Variants in NET1 observed in about 807,000 individuals in gnomAD.
The protein encoded by NET1 is neuroepithelial cell transforming 1.
In NET1, 42 loss-of-function variants were observed where a neutral mutation model predicts 61.1. The ratio of observed to expected loss-of-function variants is 0.69; its 90% confidence interval spans 0.54 to 0.89. The LOEUF is 0.89. Ranked by LOEUF, NET1 falls within the 40% of genes least tolerant of loss-of-function variation. The probability of loss-of-function intolerance (pLI) is 0.00; values close to 1 mark genes in which losing one functional copy is unlikely to be tolerated. For synonymous variants in NET1, 254 were observed against 281.8 expected, an observed-to-expected ratio of 0.90 and a Z score of 0.99; for missense variants, 654 against 747.3, an observed-to-expected ratio of 0.88 and a Z score of 1.46.
intron 1 of NET1, among the ~76,000 whole-genome samples, chr10:5,425,020 CAGTA>C (rs1351061885): frequency 3.2e-4 from 49 of 152,210 alleles, no homozygotes; most frequent in Admixed American, 1.2e-3. Context: ...TCTCTGAGTG[CAGTA>C]AGTGAGGCCT....
Position 5,446,814 on chromosome 10 carries a change from A to T in NET1, c.256-5016A>T. 1 of 1,612,284 alleles carries T rather than the reference A, an allele frequency of 6.2e-7. No individual in the cohort carries two copies. Among genetic ancestry groups the T allele is most frequent in the Non-Finnish European group, 8.5e-7 (1 of 1,178,920 alleles). ...AGGTCTCCTACCTATTAAAAGGACCATACGAGTCCTAGATGTCAATAACCA... is the reference window on the plus strand; with the variant it reads ...AGGTCTCCTACCTATTAAAAGGACCTTACGAGTCCTAGATGTCAATAACCA... On this transcript the variant is annotated intron_variant, in intron 3 of 11. Coordinates refer to ENST00000355029, the MANE Select transcript of NET1 (RefSeq NM_001047160.3). This position sits in a 1 kb window ranked among gnomAD's most constrained non-coding sequence, Gnocchi z 5.0.
In NET1 at chr10:5,441,847, G is replaced by A. The variant is rs1455355615; in HGVS notation, c.256-9983G>A. Reference sequence around the variant, plus strand: ...TTATTACTAGATATTTTGGAACTATGGTTTTTCAAAAGTTCCACTTTTCAA... The same window carrying A: ...TTATTACTAGATATTTTGGAACTATAGTTTTTCAAAAGTTCCACTTTTCAA... On this transcript the variant is annotated intron_variant, in intron 3 of 11. Transcript: ENST00000355029. The surrounding 1 kb of genome is among the most constrained non-coding windows in gnomAD (Gnocchi z 4.6). 6.6e-6 allele frequency among the ~76,000 whole-genome samples: 1 copy of A among 151,900 alleles called. No individual in the cohort carries two copies. Among genetic ancestry groups the A allele is most frequent in the Non-Finnish European group, 1.5e-5 (1 of 67,976 alleles).
In NET1 at chr10:5,446,662, G is replaced by C; in HGVS notation, c.256-5168G>C. Reference sequence around the variant, plus strand: ...GCATGGGCACGTGGCTGCCGAGGGTGGCCGAGCTCTGGGAAGAAAAGCCCG... The same window carrying C: ...GCATGGGCACGTGGCTGCCGAGGGTCGCCGAGCTCTGGGAAGAAAAGCCCG... On this transcript the variant is annotated intron_variant, in intron 3 of 11. Coordinates refer to ENST00000355029, the MANE Select transcript of NET1 (RefSeq NM_001047160.3). This position sits in a 1 kb window ranked among gnomAD's most constrained non-coding sequence, Gnocchi z 5.0. 1 of 1,327,780 alleles carries C rather than the reference G, an allele frequency of 7.5e-7. No homozygotes were observed. Among genetic ancestry groups the C allele is most frequent in the Non-Finnish European group, 9.7e-7 (1 of 1,031,258 alleles). The allele number at this position is 1,327,780 out of a possible 1,614,324, so 82.2% of individuals were successfully genotyped here. A position where few individuals can be genotyped will look rare whatever the true frequency, so the allele number is the denominator to read the frequency against.
intron 2 of NET1, among the ~76,000 whole-genome samples, chr10:5,428,038 C>CTTTTTTTTT (rs57698527): frequency 1.8e-5 from 2 of 113,904 alleles, no homozygotes; most frequent in African/African-American, 6.8e-5. Flanking sequence ...TTTGCCGTTC[C>CTTTTTTTTT]TTTTTTTTTT....
rs201941550 is a variant in NET1 at position 5,454,441 on chromosome 10, A to T, written c.945A>T (p.Leu315=). Residue 315 remains leucine (L), a synonymous_variant, in exon 9 of 12, where the codon CTA becomes CTT. Coordinates refer to ENST00000355029, the MANE Select transcript of NET1 (RefSeq NM_001047160.3). The surrounding 1 kb of genome is among the most constrained non-coding windows in gnomAD (Gnocchi z 8.1). ...TCCTAGATATCCCTCGAAGTCGCCT[A>T]GTCAAATACCCTTTACTGTTAAAAG... ...WSFLDIPRSR[L]VKYPLLLKEI... is the part of the protein sequence containing the mutation. The T allele has an allele frequency of 4.3e-6, 7 of 1,614,068 alleles. No homozygotes were observed. The highest frequency in any genetic ancestry group is 5.9e-6 in the Non-Finnish European group (7 of 1,180,030).
Position 5,446,586 on chromosome 10 carries a change from G to T in NET1, c.256-5244G>T. 8.4e-7 allele frequency: 1 copy of T among 1,191,612 alleles called. No homozygotes were observed. Among genetic ancestry groups the T allele is most frequent in the Non-Finnish European group, 1.0e-6 (1 of 961,294 alleles). 73.8% of individuals were successfully genotyped at this position (1,191,612 alleles called of 1,614,324 possible). A position where few individuals can be genotyped will look rare whatever the true frequency, so the allele number is the denominator to read the frequency against. On this transcript the variant is annotated intron_variant, in intron 3 of 11. Transcript: ENST00000355029. The surrounding 1 kb of genome is among the most constrained non-coding windows in gnomAD (Gnocchi z 5.0). ...GGCCCCGCCCCCGAGCCCTGGGGTC[G>T]GTGCTTGCTGCCTGCGGCTCTCAGA...
At position 5,456,751 on chromosome 10, in the gene NET1, G is replaced by A. The variant is rs200943399; in HGVS notation, c.1548G>A (p.Pro516=). 5.8e-5 allele frequency: 93 copies of A among 1,613,986 alleles called. No homozygotes were observed. In the Middle Eastern group the frequency reaches 1.2e-3, roughly 20 times the overall value. The change falls in exon 12 of 12, where the codon CCG becomes CCA. Residue 516 remains proline (P), a synonymous_variant. Coordinates refer to ENST00000355029, the MANE Select transcript of NET1 (RefSeq NM_001047160.3). This position sits in a 1 kb window ranked among gnomAD's most constrained non-coding sequence, Gnocchi z 7.0. ...AGSPPELQGL[P]ELHEECEGNH... Reference sequence around the variant, plus strand: ...GTCCACCTGAGCTGCAGGGCCTGCCGGAGCTGCACGAAGAGTGTGAGGGGA... The same window carrying A: ...GTCCACCTGAGCTGCAGGGCCTGCCAGAGCTGCACGAAGAGTGTGAGGGGA...
chr10:5,453,389 G>A lies in NET1; in HGVS notation c.691+43G>A, dbSNP rs41289269. ...ATTGTCATTAAATCTAAAGAGCAGC[G>A]GTGCATGTAATTTTCAGTCTAAACT... is the stretch of plus-strand genomic sequence containing the variant. On this transcript the variant is annotated intron_variant, in intron 7 of 11. Coordinates refer to ENST00000355029, the MANE Select transcript of NET1 (RefSeq NM_001047160.3). The surrounding 1 kb of genome is among the most constrained non-coding windows in gnomAD (Gnocchi z 4.9). The A allele has an allele frequency of 0.021, 33,594 of 1,567,602 alleles. 425 individuals are homozygous for A. Among genetic ancestry groups the A allele is most frequent in the Non-Finnish European group, 0.026 (29,837 of 1,137,660 alleles).
In NET1 at chr10:5,456,295, AT is replaced by A; in HGVS notation, c.1384+25del. 1 of 1,554,184 alleles carries A rather than the reference AT, an allele frequency of 6.4e-7. No individual in the cohort carries two copies. ...AAAGGTAAAATGCAGGCCTTCAATA[AT>A]TTAAAGAAATAGAAGCTCAGAACTG... On this transcript the variant is annotated intron_variant, in intron 11 of 11. Transcript: ENST00000355029. The surrounding 1 kb of genome is among the most constrained non-coding windows in gnomAD (Gnocchi z 7.0).
In NET1 at chr10:5,452,421, A is replaced by T; in HGVS notation, c.427A>T (p.Thr143Ser). 1 of 1,614,110 alleles carries T rather than the reference A, an allele frequency of 6.2e-7. No homozygotes were observed. The highest frequency in any genetic ancestry group is 8.5e-7 in the Non-Finnish European group (1 of 1,179,988). ...TGCCCAGAAGTTTTCTAGCAGGTCA[A>T]CAGTCCCAACACCCGCCAAGAGAAG... ...ASAQKFSSRS[T>S]VPTPAKRRSS... Residue 143 changes from threonine to serine, a missense_variant, in exon 5 of 12, where the codon ACA becomes TCA. Transcript: ENST00000355029. This position sits in a 1 kb window ranked among gnomAD's most constrained non-coding sequence, Gnocchi z 4.0.
Position 5,443,053 on chromosome 10 carries a change from C to T in NET1, c.256-8777C>T, listed in dbSNP as rs1200336230. 6.6e-6 allele frequency among the ~76,000 whole-genome samples: 1 copy of T among 152,202 alleles called. No individual in the cohort carries two copies. Among genetic ancestry groups the T allele is most frequent in the Non-Finnish European group, 1.5e-5 (1 of 68,028 alleles). The stretch of plus-strand genomic sequence containing the variant: ...AAAAGTATTGGCAATTTAGTGAATA[C>T]TGCTAGCCTGGGACTCAGGAGACTT... On this transcript the variant is annotated intron_variant, in intron 3 of 11. Transcript: ENST00000355029. The surrounding 1 kb of genome is among the most constrained non-coding windows in gnomAD (Gnocchi z 4.8).
In NET1 at chr10:5,453,607, C is replaced by A; in HGVS notation, c.768+47C>A. The A allele has an allele frequency of 6.6e-7, 1 of 1,509,844 alleles. No individual in the cohort carries two copies. The highest frequency in any genetic ancestry group is 9.2e-7 in the Non-Finnish European group (1 of 1,085,288). 93.5% of individuals were successfully genotyped at this position (1,509,844 alleles called of 1,614,324 possible). A position where few individuals can be genotyped will look rare whatever the true frequency, so the allele number is the denominator to read the frequency against. ...CCAGATACAGTTTCTTACAGATGTG[C>A]CATGTTGCAGTTTCTGATGAATATG... On this transcript the variant is annotated intron_variant, in intron 8 of 11. Coordinates refer to ENST00000355029, the MANE Select transcript of NET1 (RefSeq NM_001047160.3). The surrounding 1 kb of genome is among the most constrained non-coding windows in gnomAD (Gnocchi z 4.9).
rs758972037 is a variant in NET1, at chr10:5,456,072, T to C, written c.1198-15T>C. 6.3e-7 allele frequency: 1 copy of C among 1,599,968 alleles called. No homozygotes were observed. The highest frequency in any genetic ancestry group is 1.1e-5 in the South Asian group (1 of 89,150). On this transcript the variant is annotated splice_polypyrimidine_tract_variant and intron_variant, in intron 10 of 11. Transcript: ENST00000355029. This position sits in a 1 kb window ranked among gnomAD's most constrained non-coding sequence, Gnocchi z 7.0. Reference sequence around the variant, plus strand: ...CACAAGTTTCCTATTTAGCGTTTGTTTCCCATTTCTCCAGAAACTTTACAT... The same window carrying C: ...CACAAGTTTCCTATTTAGCGTTTGTCTCCCATTTCTCCAGAAACTTTACAT...
In NET1 at chr10:5,415,806, A is replaced by T. The variant is rs75069357; in HGVS notation, c.128+2986A>T. ...TCTTTATTCTGGATACAAGTCCCTTATCAGATAGATTATTTGCAAATATTT... is the reference window on the plus strand; with the variant it reads ...TCTTTATTCTGGATACAAGTCCCTTTTCAGATAGATTATTTGCAAATATTT... On this transcript the variant is annotated intron_variant, in intron 1 of 11. Transcript: ENST00000355029. The surrounding 1 kb of genome is among the most constrained non-coding windows in gnomAD (Gnocchi z 4.7). Among the ~76,000 whole-genome samples, 83 of 152,226 alleles carry T rather than the reference A, an allele frequency of 5.5e-4. No homozygotes were observed. In the East Asian group the frequency reaches 0.011, roughly 20 times the overall value.
In NET1 at chr10:5,456,733, T is replaced by C. The variant is rs751475964; in HGVS notation, c.1530T>C (p.Pro510=). 1 of 1,614,050 alleles carries C rather than the reference T, an allele frequency of 6.2e-7. No homozygotes were observed. Among genetic ancestry groups the C allele is most frequent in the Non-Finnish European group, 8.5e-7 (1 of 1,180,022 alleles). Residue 510 remains proline (P), a synonymous_variant, in exon 12 of 12, where the codon CCT becomes CCC. Coordinates refer to ENST00000355029, the MANE Select transcript of NET1 (RefSeq NM_001047160.3). The surrounding 1 kb of genome is among the most constrained non-coding windows in gnomAD (Gnocchi z 7.0). The stretch of plus-strand genomic sequence containing the variant: ...CCTTCCAGTCGGCAGGCAGTCCACC[T>C]GAGCTGCAGGGCCTGCCGGAGCTGC... ...IAPFQSAGSP[P]ELQGLPELHE...
chr10:5,446,922 T>A lies in NET1; in HGVS notation c.256-4908T>A. On this transcript the variant is annotated intron_variant, in intron 3 of 11. Transcript: ENST00000355029. This position sits in a 1 kb window ranked among gnomAD's most constrained non-coding sequence, Gnocchi z 5.0. ...TTCTAACTCCACGGAGCTTTTAAAATTTTTAACAAGGTATTAACAGTATAA... is the reference window on the plus strand; with the variant it reads ...TTCTAACTCCACGGAGCTTTTAAAAATTTTAACAAGGTATTAACAGTATAA... The A allele has an allele frequency of 1.4e-6, 2 of 1,392,498 alleles. No individual in the cohort carries two copies. The highest frequency in any genetic ancestry group is 2.6e-5 in the South Asian group (2 of 77,534). The allele number at this position is 1,392,498 out of a possible 1,614,324, so 86.3% of individuals were successfully genotyped here. A position where few individuals can be genotyped will look rare whatever the true frequency, so the allele number is the denominator to read the frequency against.
chr10:5,429,204 T>C lies in NET1; in HGVS notation c.230T>C (p.Val77Ala). ...CGCAGAGAGAAAGATGATGATGTTG[T>C]AAGCCTTAGCAGCCTTGATCTGAAG... ...RKRREKDDDV[V>A]SLSSLDLKEP... Residue 77 changes from valine to alanine, a missense_variant, in exon 3 of 12, where the codon GTA becomes GCA. Transcript: ENST00000355029. 1 of 1,610,592 alleles carries C rather than the reference T, an allele frequency of 6.2e-7. No individual in the cohort carries two copies. Among genetic ancestry groups the C allele is most frequent in the Non-Finnish European group, 8.5e-7 (1 of 1,178,206 alleles).
In NET1 at chr10:5,426,887, G is replaced by A. The variant is rs1265249004; in HGVS notation, c.195+166G>A. ...TAATTTAGTCCTTTTCTGCTAACAAGCTGTAATAACTTTTTGTTTCAAGTA... is the reference window on the plus strand; with the variant it reads ...TAATTTAGTCCTTTTCTGCTAACAAACTGTAATAACTTTTTGTTTCAAGTA... On this transcript the variant is annotated intron_variant, in intron 2 of 11. Coordinates refer to ENST00000355029, the MANE Select transcript of NET1 (RefSeq NM_001047160.3). This position sits in a 1 kb window ranked among gnomAD's most constrained non-coding sequence, Gnocchi z 4.6. Among the ~76,000 whole-genome samples the A allele has an allele frequency of 1.3e-5, 2 of 152,136 alleles. No individual in the cohort carries two copies. The highest frequency in any genetic ancestry group is 4.8e-5 in the African/African-American group (2 of 41,424).
chr10:5,450,992 T>C (rs922010005), intron 3 of NET1, among the ~76,000 whole-genome samples: 2 of 152,252 alleles, frequency 1.3e-5, no homozygotes, highest in Non-Finnish European at 1.5e-5. Context: ...ATCTAATTTA[T>C]CTATGAATCC....
Sources: allele counts gnomAD v4.1 joint callset (sites outside exome capture counted in the v4.1 genomes callset), GRCh38; gene constraint gnomAD v4.1.1; non-coding constraint Gnocchi (gnomAD v3.1); transcripts MANE v1.5; gene names NCBI Gene and HGNC (gene_info 2026-07-23, HGNC 2026-07-21).